The following FBXL5 variants were observed in gnomAD, a reference collection of about 807,000 sequenced individuals.
FBXL5 encodes F-box and leucine rich repeat protein 5.
FBXL5 carries 26 observed loss-of-function variants against 78.3 expected under a neutral mutation model. That is an observed-to-expected ratio of 0.33 (90% confidence interval 0.24 to 0.46). The LOEUF (loss-of-function observed/expected upper bound fraction) is 0.46. FBXL5 is among the 20% of genes least tolerant of loss of function. FBXL5 has a pLI of 1.00. For missense variants in FBXL5, 710 were observed against 829.2 expected, an observed-to-expected ratio of 0.86 and a Z score of 1.77; for synonymous variants, 295 against 282.5, an observed-to-expected ratio of 1.04 and a Z score of -0.45.
Position 15,636,383 on chromosome 4 carries a change from C to A in FBXL5, c.766+111G>T, listed in dbSNP as rs1038042202. 5 of 853,562 alleles carry A rather than the reference C, an allele frequency of 5.9e-6. No individual in the cohort carries two copies. The African/African-American group carries it at 6.9e-5, about 12-fold the overall frequency. The allele number at this position is 853,562 out of a possible 1,614,324, so 52.9% of individuals were successfully genotyped here. ...CCAAAACATCATCTAACTATAAAATCTACTTTTTGATTGACCTCTCAGAGT... is the reference window on the plus strand; with the variant it reads ...CCAAAACATCATCTAACTATAAAATATACTTTTTGATTGACCTCTCAGAGT... On this transcript the variant is annotated intron_variant, in intron 5 of 10. Coordinates refer to ENST00000341285, the MANE Select transcript of FBXL5 (RefSeq NM_012161.4).
intron 1 of FBXL5, among the ~76,000 whole-genome samples, chr4:15,672,022 G>A (rs1717790636): frequency 6.6e-6 from 1 of 152,160 alleles, no homozygotes; most frequent in African/African-American, 2.4e-5. Flanking sequence ...CTAGTTTGGA[G>A]ATTACATTGT....
upstream of FBXL5, among the ~76,000 whole-genome samples, chr4:15,660,201 C>T (rs1437928945): frequency 6.6e-6 from 1 of 151,986 alleles, no homozygotes; most frequent in Non-Finnish European, 1.5e-5. Flanking sequence ...TTCTCAGCTG[C>T]AGAATAGCTA....
chr4:15,640,694 C>T, intron 3 of FBXL5, 94 bp downstream of exon 3: 1 of 586,276 alleles, frequency 1.7e-6, no homozygotes. Context: ...CAACCAGATA[C>T]ATCTTCCTAT....
intron 3 of FBXL5, among the ~76,000 whole-genome samples, chr4:15,638,963 G>A (rs1418530336): frequency 6.6e-6 from 1 of 152,106 alleles, no homozygotes; most frequent in African/African-American, 2.4e-5. Context: ...TCGGGAGTTC[G>A]AGACCAACCT....
intron 9 of FBXL5, among the ~76,000 whole-genome samples, chr4:15,619,526 A>G (rs1350355067): frequency 6.6e-6 from 1 of 152,238 alleles, no homozygotes; most frequent in Non-Finnish European, 1.5e-5. Flanking sequence ...AAGGCCATAT[A>G]CATGAAAAAC....
intron 9 of FBXL5, among the ~76,000 whole-genome samples, chr4:15,621,936 C>T (rs924533544): frequency 6.6e-6 from 1 of 152,188 alleles, no homozygotes; most frequent in Non-Finnish European, 1.5e-5. Flanking sequence ...TCAAGTCATC[C>T]TCCCACCTCA....
At chr4:15,640,135 G>A (rs1162658388) in intron 3 of FBXL5, among the ~76,000 whole-genome samples, 2 of 152,034 alleles carry the variant, frequency 1.3e-5, no homozygotes, top group African/African-American at 4.8e-5. Context: ...CAACCTCTTG[G>A]GCTCAAGCAA....
At chr4:15,636,011 G>C (rs948278216) in intron 5 of FBXL5, among the ~76,000 whole-genome samples, 1 of 151,884 alleles carries the variant, frequency 6.6e-6, no homozygotes, top group African/African-American at 2.4e-5. Flanking sequence ...CAATTATTTT[G>C]AGCCATCACC....
intron 1 of FBXL5, among the ~76,000 whole-genome samples, chr4:15,666,107 T>C (rs898974628): frequency 6.6e-6 from 1 of 152,032 alleles, no homozygotes; most frequent in South Asian, 2.1e-4. Flanking sequence ...TTTAAAAATA[T>C]GAATTTTGGG....
intron 1 of FBXL5, among the ~76,000 whole-genome samples, chr4:15,654,392 A>T (rs1328195747): frequency 6.6e-6 from 1 of 152,208 alleles, no homozygotes; most frequent in South Asian, 2.1e-4. Flanking sequence ...CCATCTCCAC[A>T]AAAGTGCCTC....
chr4:15,676,845 A>G, intron 1 of FBXL5, among the ~76,000 whole-genome samples: 1 of 152,198 alleles, frequency 6.6e-6, no homozygotes, highest in East Asian at 1.9e-4. Flanking sequence ...ATGTTACCTA[A>G]TATATCACTA....
At chr4:15,672,707 T>G (rs1717816306) in intron 1 of FBXL5, among the ~76,000 whole-genome samples, 1 of 152,212 alleles carries the variant, frequency 6.6e-6, no homozygotes, top group Non-Finnish European at 1.5e-5. Flanking sequence ...TACTGTAGAC[T>G]TTATAAACAC....
Position 15,640,408 on chromosome 4 carries a change from AAAC to A in FBXL5, c.396+377_396+379del, listed in dbSNP as rs202244212. Among the ~76,000 whole-genome samples, 806 of 151,564 alleles carry A rather than the reference AAAC, an allele frequency of 5.3e-3. 4 individuals carry two copies. The highest frequency in any genetic ancestry group is 0.018 in the African/African-American group (762 of 41,250). ...CTACACTACTGAAAAAAAAAAAAAA[AAAC>A]ATGAAAAAATCTTTAAACATAGCAT... On this transcript the variant is annotated intron_variant, in intron 3 of 10. Coordinates refer to ENST00000341285, the MANE Select transcript of FBXL5 (RefSeq NM_012161.4).
chr4:15,644,626 A>AT lies in FBXL5; in HGVS notation c.166dup (p.Met56AsnfsTer3). 1 of 1,614,160 alleles carries AT rather than the reference A, an allele frequency of 6.2e-7. No homozygotes were observed. Among genetic ancestry groups the AT allele is most frequent in the Non-Finnish European group, 8.5e-7 (1 of 1,180,002 alleles). On this transcript the variant is annotated frameshift_variant, in exon 2 of 11. Coordinates refer to ENST00000341285, the MANE Select transcript of FBXL5 (RefSeq NM_012161.4). LOFTEE classifies it high-confidence loss of function. ...GTATTCATTTTCAATCTGCTCATGC[A>AT]TTTTGAACTCCTTGAAAGTAGCATA...
At chr4:15,620,343 G>A (rs1423867136) in intron 9 of FBXL5, among the ~76,000 whole-genome samples, 1 of 135,898 alleles carries the variant, frequency 7.4e-6, no homozygotes, top group East Asian at 2.3e-4. Flanking sequence ...TAATACTGTT[G>A]TCAATTTTAC....
rs1721823896 is a variant in FBXL5, at chr4:15,605,462, C to G, written c.*261G>C. On this transcript the variant is annotated 3_prime_UTR_variant, in exon 11 of 11. Coordinates refer to ENST00000341285, the MANE Select transcript of FBXL5 (RefSeq NM_012161.4). ...ATGGCATTACCAACATTCTTTAAAG[C>G]ATTTCATTTAAAAGAAAAATGTAAG... 2.8e-6 allele frequency: 1 copy of G among 354,544 alleles called. No individual in the cohort carries two copies. The highest frequency in any genetic ancestry group is 4.4e-5 in the Admixed American group (1 of 22,708). 22.0% of individuals were successfully genotyped at this position (354,544 alleles called of 1,614,324 possible).
chr4:15,619,441 C>A (rs1285636800), intron 9 of FBXL5, among the ~76,000 whole-genome samples: 3 of 152,028 alleles, frequency 2.0e-5, no homozygotes, highest in Non-Finnish European at 4.4e-5. Context: ...ATCATCTCAA[C>A]TGATTGAGAA....
At chr4:15,622,733 T>A (rs904294035) in intron 9 of FBXL5, among the ~76,000 whole-genome samples, 8 of 152,180 alleles carry the variant, frequency 5.3e-5, no homozygotes, top group African/African-American at 1.9e-4. Flanking sequence ...TTTAAATGTT[T>A]AGAAAGAATC....
chr4:15,649,680 G>C (rs1229926616), intron 1 of FBXL5, among the ~76,000 whole-genome samples: 1 of 151,462 alleles, frequency 6.6e-6, no homozygotes, highest in African/African-American at 2.4e-5. Context: ...AAAATTGTTT[G>C]CCTTCACATA....
Sources: gnomAD v4.1 joint callset for allele counts (sites outside exome capture counted in the v4.1 genomes callset) on GRCh38, gnomAD v4.1.1 for gene constraint, MANE v1.5 for transcripts, NCBI Gene and HGNC (gene_info 2026-07-23, HGNC 2026-07-21) for gene names.